Variants in SLC2A13 observed in about 807,000 individuals in gnomAD.
SLC2A13 encodes the protein proton myo-inositol cotransporter.
A neutral mutation model predicts 64.4 loss-of-function variants in SLC2A13; 32 were observed. The observed-to-expected ratio is 0.50, with a 90% CI of 0.37 to 0.67. The LOEUF is 0.67. SLC2A13 is among the 30% of genes least tolerant of loss of function. SLC2A13 has a pLI of 0.00. For missense variants in SLC2A13, 743 were observed against 829.2 expected (o/e 0.90, Z 1.28); for synonymous variants, 338 against 327.1 (o/e 1.03, Z -0.36).
intron 4 of SLC2A13, chr12:39,907,506 C>T (rs1461426968): frequency 6.6e-6 from 1 of 152,044 alleles, no homozygotes; most frequent in Non-Finnish European, 1.5e-5. Flanking sequence ...TCTATCAAAA[C>T]CATAATGTAC....
chr12:40,017,208 G>A (rs575392510), intron 3 of SLC2A13, among the ~76,000 whole-genome samples: 10 of 152,316 alleles, frequency 6.6e-5, no homozygotes, highest in South Asian at 2.1e-4. Flanking sequence ...CCTTGCTAAC[G>A]TCAGGCAATG....
At chr12:39,888,940 C>T (rs886605644) in intron 4 of SLC2A13, among the ~76,000 whole-genome samples, 1 of 151,942 alleles carries the variant, frequency 6.6e-6, no homozygotes, top group Non-Finnish European at 1.5e-5. Flanking sequence ...TAATAGTAAA[C>T]CATTTTTCTT....
chr12:39,965,709 A>C (rs1434666591), intron 3 of SLC2A13, among the ~76,000 whole-genome samples: 4 of 152,168 alleles, frequency 2.6e-5, no homozygotes, highest in Non-Finnish European at 5.9e-5. Flanking sequence ...GATAGAGTAC[A>C]ATTTTCAGAG....
chr12:39,982,515 C>T (rs1165247424), intron 3 of SLC2A13, among the ~76,000 whole-genome samples: 2 of 151,524 alleles, frequency 1.3e-5, no homozygotes, highest in Non-Finnish European at 2.9e-5. Context: ...AAATCACAAG[C>T]ATTCTTATAC....
chr12:40,088,014 AC>A, intron 1 of SLC2A13, among the ~76,000 whole-genome samples: 1 of 152,226 alleles, frequency 6.6e-6, no homozygotes, highest in East Asian at 1.9e-4. Context: ...ACAGCAGATA[AC>A]ATTTACTGTA....
At chr12:39,769,406 C>A (rs1407031127) in intron 7 of SLC2A13, among the ~76,000 whole-genome samples, 1 of 152,028 alleles carries the variant, frequency 6.6e-6, no homozygotes, top group Non-Finnish European at 1.5e-5. Flanking sequence ...ATCTGAAGAA[C>A]AGATCTTTTA....
At chr12:39,924,485 T>G (rs1353859589) in intron 4 of SLC2A13, among the ~76,000 whole-genome samples, 1 of 151,934 alleles carries the variant, frequency 6.6e-6, no homozygotes, top group Non-Finnish European at 1.5e-5. Flanking sequence ...TTCCTTCATT[T>G]TTTTTCTTTC....
At chr12:40,020,713 T>C (rs1947700507) in intron 3 of SLC2A13, among the ~76,000 whole-genome samples, 2 of 152,194 alleles carry the variant, frequency 1.3e-5, no homozygotes, top group Non-Finnish European at 1.5e-5. Flanking sequence ...TTCAGGACCT[T>C]CTGGTAACCT....
chr12:39,847,605 T>G (rs775754163), intron 6 of SLC2A13, among the ~76,000 whole-genome samples: 2 of 152,018 alleles, frequency 1.3e-5, no homozygotes, highest in Non-Finnish European at 2.9e-5. Context: ...GACATTTGTA[T>G]GGGTACAGTA....
At chr12:39,835,747 A>G (rs1368555511) in intron 6 of SLC2A13, 1 of 152,120 alleles carries the variant, frequency 6.6e-6, no homozygotes, top group Admixed American at 6.6e-5. Context: ...TATTTATTGA[A>G]TTAACCAATG....
chr12:40,038,942 T>A (rs1948036254), intron 2 of SLC2A13, among the ~76,000 whole-genome samples: 1 of 151,584 alleles, frequency 6.6e-6, no homozygotes, highest in Non-Finnish European at 1.5e-5. Context: ...AAAAAAAGAG[T>A]TAAAAATTCT....
intron 4 of SLC2A13, among the ~76,000 whole-genome samples, chr12:39,890,735 G>T (rs1436203489): frequency 6.6e-6 from 1 of 152,064 alleles, no homozygotes; most frequent in Admixed American, 6.6e-5. Flanking sequence ...GAGGTAATTT[G>T]CAGCAGCTGT....
At chr12:40,076,558 T>C (rs986567363) in intron 1 of SLC2A13, among the ~76,000 whole-genome samples, 4 of 152,208 alleles carry the variant, frequency 2.6e-5, no homozygotes, top group African/African-American at 7.2e-5. Context: ...CCACCATTGA[T>C]GAACATCTAG....
chr12:40,000,661 G>A lies in SLC2A13; in HGVS notation c.925+27640C>T, dbSNP rs181838063. Among the ~76,000 whole-genome samples the A allele has an allele frequency of 2.2e-4, 33 of 152,234 alleles. No homozygotes were observed. The East Asian group carries it at 3.9e-3, about 18-fold the overall frequency. On this transcript the variant is annotated intron_variant, in intron 3 of 9. Transcript: ENST00000280871. The stretch of plus-strand genomic sequence containing the variant: ...TTGGCTTGCAGATAGCCACCTTCCC[G>A]CAGTATCCCGACATGTTCTTTCCTC...
At chr12:40,098,500 C>A (rs1939039690) in intron 1 of SLC2A13, among the ~76,000 whole-genome samples, 1 of 152,044 alleles carries the variant, frequency 6.6e-6, no homozygotes, top group Non-Finnish European at 1.5e-5. Context: ...TTCTTTACCA[C>A]AATAAAAAAA....
At chr12:39,906,414 C>A (rs1335800092) in intron 4 of SLC2A13, among the ~76,000 whole-genome samples, 3 of 152,172 alleles carry the variant, frequency 2.0e-5, no homozygotes, top group African/African-American at 4.8e-5. Context: ...CATACCTACA[C>A]ACAATAGATA....
chr12:40,014,675 G>A (rs1947591649), intron 3 of SLC2A13, among the ~76,000 whole-genome samples: 2 of 151,948 alleles, frequency 1.3e-5, no homozygotes, highest in African/African-American at 4.8e-5. Context: ...TGTATTTTTA[G>A]TCAAGACGGG....
intron 6 of SLC2A13, among the ~76,000 whole-genome samples, chr12:39,857,797 G>T (rs1379119742): frequency 6.6e-6 from 1 of 152,168 alleles, no homozygotes; most frequent in Non-Finnish European, 1.5e-5. Flanking sequence ...ACCCAGTCTT[G>T]TTGGTCAATT....
chr12:39,802,831 ATAT>A (rs774722431), intron 7 of SLC2A13, among the ~76,000 whole-genome samples: 2 of 152,196 alleles, frequency 1.3e-5, no homozygotes, highest in African/African-American at 4.8e-5. Flanking sequence ...CAGGCCAAAA[ATAT>A]TATATCAGAT....
Sources: gnomAD v4.1 joint callset for allele counts (sites outside exome capture counted in the v4.1 genomes callset) on GRCh38, gnomAD v4.1.1 for gene constraint, MANE v1.5 for transcripts, NCBI Gene and HGNC (gene_info 2026-07-23, HGNC 2026-07-21) for gene names.